The following SEPTIN4 variants were observed in gnomAD, a reference collection of about 807,000 sequenced individuals.
SEPTIN4 encodes septin 4, also known as septin-4.
In SEPTIN4, 52 loss-of-function variants were observed where a neutral mutation model predicts 107.1. The observed-to-expected ratio is 0.49, with a 90% CI of 0.39 to 0.61. SEPTIN4 has a LOEUF of 0.61. Ranked by LOEUF, SEPTIN4 falls within the 20% of genes least tolerant of loss-of-function variation. The pLI is 0.00. For missense variants in SEPTIN4, 1,048 were observed against 1,243.5 expected (o/e 0.84, Z 2.36); for synonymous variants, 417 against 467.0 (o/e 0.89, Z 1.38).
rs376361834 is a variant in SEPTIN4, at chr17:58,532,184, G to C, written c.1615-5206C>G. Reference sequence around the variant, plus strand: ...GGCGCGAAGTGGGTCGGGGTGCCCAGCTGGGGGCCGGCCTCGCAGCCCGCG... The same window carrying C: ...GGCGCGAAGTGGGTCGGGGTGCCCACCTGGGGGCCGGCCTCGCAGCCCGCG... On this transcript the variant is annotated intron_variant, in intron 3 of 13. Coordinates refer to ENST00000672673, the MANE Select transcript of SEPTIN4 (RefSeq NM_001368771.2). 132 of 849,460 alleles carry C rather than the reference G, an allele frequency of 1.6e-4. 1 individual carries two copies. The East Asian group carries it at 8.9e-3, about 57-fold the overall frequency. 52.6% of individuals were successfully genotyped at this position (849,460 alleles called of 1,614,324 possible).
chr17:58,529,015 C>T, intron 3 of SEPTIN4: 2 of 1,436,408 alleles, frequency 1.4e-6, no homozygotes, highest in Admixed American at 3.4e-5. Flanking sequence ...ACTCCCAGCT[C>T]TGCCAGTGAC....
At chr17:58,532,189 G>C (rs1018120116) in intron 3 of SEPTIN4, 11 of 825,274 alleles carry the variant, frequency 1.3e-5, no homozygotes, top group Middle Eastern at 1.1e-3. Flanking sequence ...GCCCAGCTGG[G>C]GGCCGGCCTC....
Position 58,543,820 on chromosome 17 carries a change from CT to C in SEPTIN4, c.366del (p.Val123LeufsTer37). ...GCTGCTTCCTCTCTGGGTGGACTAA[CT>C]TTCCATTGTCTGCTTGAAGCATGGG... The part of the protein sequence containing the change: ...LASHASSRQW[K>X]VSPPREEAAR... On this transcript the variant is annotated frameshift_variant, in exon 1 of 14. Coordinates refer to ENST00000672673, the MANE Select transcript of SEPTIN4 (RefSeq NM_001368771.2). LOFTEE classifies it high-confidence loss of function. 6.2e-7 allele frequency: 1 copy of C among 1,614,160 alleles called. No homozygotes were observed. The highest frequency in any genetic ancestry group is 1.6e-4 in the Middle Eastern group (1 of 6,062).
At chr17:58,533,314 G>A (rs573614580) in intron 3 of SEPTIN4, among the ~76,000 whole-genome samples, 1 of 152,182 alleles carries the variant, frequency 6.6e-6, no homozygotes, top group Non-Finnish European at 1.5e-5. Flanking sequence ...CTTCCTAGCT[G>A]GGTGGCCTTG....
chr17:58,535,940 T>C (rs2043694611), intron 3 of SEPTIN4, among the ~76,000 whole-genome samples: 1 of 152,162 alleles, frequency 6.6e-6, no homozygotes, highest in African/African-American at 2.4e-5. Flanking sequence ...GACCCTTCAC[T>C]TGCCCTTCAT....
chr17:58,537,587 T>G (rs2043756163), intron 3 of SEPTIN4, among the ~76,000 whole-genome samples: 1 of 152,056 alleles, frequency 6.6e-6, no homozygotes, highest in African/African-American at 2.4e-5. Context: ...ATCCCAGCAC[T>G]TTGGGAGGCT....
intron 3 of SEPTIN4, chr17:58,529,342 A>G (rs1163674795): frequency 6.8e-6 from 10 of 1,481,186 alleles, no homozygotes; most frequent in Non-Finnish European, 9.0e-6. Context: ...GCAGGGGCCA[A>G]AAAAGCCTGT....
rs1309044436 is a variant in SEPTIN4, at chr17:58,520,393, G to A, written c.*33C>T. ...GGGCCGGCATGGACAGGAAGAAGAG[G>A]AGGAGATTTAAATATCCAGGGCTGA... On this transcript the variant is annotated 3_prime_UTR_variant, in exon 14 of 14. Transcript: ENST00000672673. The A allele has an allele frequency of 4.4e-6, 7 of 1,605,250 alleles. No homozygotes were observed. The highest frequency in any genetic ancestry group is 6.0e-6 in the Non-Finnish European group (7 of 1,174,080).
At chr17:58,532,029 C>A in intron 3 of SEPTIN4, 1 of 1,128,654 alleles carries the variant, frequency 8.9e-7, no homozygotes, top group Non-Finnish European at 1.1e-6. Context: ...CGGAGCTGCG[C>A]GCCGACCTCG....
chr17:58,544,057 C>G lies in SEPTIN4; in HGVS notation c.130G>C (p.Val44Leu). Residue 44 changes from valine to leucine, a missense_variant, in exon 1 of 14, where the codon GTC becomes CTC. Val to Leu is a conservative substitution (Grantham distance 32). This residue lies in a region of SEPTIN4 where 787 missense variants were observed against 871.8 expected (regional missense o/e 0.90). Coordinates refer to ENST00000672673, the MANE Select transcript of SEPTIN4 (RefSeq NM_001368771.2). The part of the protein sequence containing the change: ...VLASSHRSAA[V>L]SLNPSHRRSE... ...CTTCGGTGGGAAGGGTTCAGGGAGA[C>G]TGCAGCACTTCGATGGCTTGAGGCA... 1 of 1,614,124 alleles carries G rather than the reference C, an allele frequency of 6.2e-7. No homozygotes were observed. The highest frequency in any genetic ancestry group is 8.5e-7 in the Non-Finnish European group (1 of 1,180,032).
rs762452862 is a variant in SEPTIN4, at chr17:58,544,071, T to C, written c.116A>G (p.His39Arg). Residue 39 changes from histidine (H) to arginine (R), a missense_variant, in exon 1 of 14, where the codon CAT (histidine) becomes CGT (arginine). Transcript: ENST00000672673. The part of the protein sequence containing the change: ...QGHGYVLASS[H>R]RSAAVSLNPS... Reference sequence around the variant, plus strand: ...GTTCAGGGAGACTGCAGCACTTCGATGGCTTGAGGCAAGAACGTACCCATG... The same window carrying C: ...GTTCAGGGAGACTGCAGCACTTCGACGGCTTGAGGCAAGAACGTACCCATG... 6.2e-7 allele frequency: 1 copy of C among 1,614,118 alleles called. No individual in the cohort carries two copies. The highest frequency in any genetic ancestry group is 8.5e-7 in the Non-Finnish European group (1 of 1,180,014).
intron 3 of SEPTIN4, chr17:58,539,223 AC>A: frequency 6.7e-7 from 1 of 1,495,898 alleles, no homozygotes; most frequent in South Asian, 1.2e-5. Flanking sequence ...AATTATCGAG[AC>A]CGGATAAGAG....
rs2043916839 is a variant in SEPTIN4, at chr17:58,542,821, C to G, written c.1366G>C (p.Asp456His). 5.6e-6 allele frequency: 9 copies of G among 1,614,138 alleles called. No individual in the cohort carries two copies. Among genetic ancestry groups the G allele is most frequent in the Non-Finnish European group, 7.6e-6 (9 of 1,180,036 alleles). The change falls in exon 1 of 14, where the codon GAT becomes CAT. Residue 456 changes from aspartate (D) to histidine (H), a missense_variant. By Grantham distance (81) the Asp-to-His change is moderately conservative (BLOSUM62 -1). Around this residue, in one of 2 missense-constraint regions of SEPTIN4, gnomAD observed 787 missense variants for 871.8 expected, o/e 0.90. Transcript: ENST00000672673. The part of the protein sequence containing the change: ...DFEPKCSPSL[D>H]LLLSGFKIDS... ...ATTTTAAAACCGGACAATAAAAGAT[C>G]TAGGGAAGGAGAGCACTTAGGCTCA...
At chr17:58,524,434 T>A (rs1197220463) in intron 7 of SEPTIN4, among the ~76,000 whole-genome samples, 1 of 152,084 alleles carries the variant, frequency 6.6e-6, no homozygotes, top group Non-Finnish European at 1.5e-5. Flanking sequence ...TTCAACAAGA[T>A]TGTGTGCGGC....
At chr17:58,523,135 G>A (rs766196365) in intron 7 of SEPTIN4, among the ~76,000 whole-genome samples, 4 of 152,078 alleles carry the variant, frequency 2.6e-5, no homozygotes, top group African/African-American at 9.7e-5. Context: ...ACTTTAGGAG[G>A]CCAAGGTAGG....
chr17:58,526,073 A>G lies in SEPTIN4; in HGVS notation c.2005+147T>C, dbSNP rs1016150473. On this transcript the variant is annotated intron_variant, in intron 5 of 13. Coordinates refer to ENST00000672673, the MANE Select transcript of SEPTIN4 (RefSeq NM_001368771.2). ...CCACCCCACATACATACACTCTCAC[A>G]GGCCAATGACTCCTGGCTGTTTTGC... is the stretch of plus-strand genomic sequence containing the variant. 5 of 1,040,944 alleles carry G rather than the reference A, an allele frequency of 4.8e-6. No homozygotes were observed. The African/African-American group carries it at 5.9e-5, about 12-fold the overall frequency. The allele number at this position is 1,040,944 out of a possible 1,614,324, so 64.5% of individuals were successfully genotyped here. A position where few individuals can be genotyped will look rare whatever the true frequency, so the allele number is the denominator to read the frequency against.
At chr17:58,532,255 G>C (rs2043538294) in intron 3 of SEPTIN4, 1 of 281,458 alleles carries the variant, frequency 3.6e-6, no homozygotes, top group Admixed American at 6.0e-5. Flanking sequence ...GACAGAGCGG[G>C]GAGCCTCAGC....
At position 58,521,109 on chromosome 17, in the gene SEPTIN4, C is replaced by T; in HGVS notation, c.2720G>A (p.Arg907His). 8 of 1,614,164 alleles carry T rather than the reference C, an allele frequency of 5.0e-6. No homozygotes were observed. Among genetic ancestry groups the T allele is most frequent in the South Asian group, 1.1e-5 (1 of 91,078 alleles). The change falls in exon 12 of 14, where the codon CGT (arginine) becomes CAT (histidine). Residue 907 changes from arginine (R) to histidine (H), a missense_variant. By Grantham distance (29) the Arg-to-His change is conservative (BLOSUM62 0). Around this residue, in one of 2 missense-constraint regions of SEPTIN4, gnomAD observed 261 missense variants for 371.7 expected, o/e 0.70. Coordinates refer to ENST00000672673, the MANE Select transcript of SEPTIN4 (RefSeq NM_001368771.2). The surrounding 1 kb of genome is among the most constrained non-coding windows in gnomAD (Gnocchi z 6.4). ...ATCCTTCAGGTCCTGCATGTGGGTA[C>T]GTACCAGCATTGTCCTCAGCTTCAC... ...DFVKLRTMLV[R>H]THMQDLKDVT...
chr17:58,520,377 T>G lies in SEPTIN4; in HGVS notation c.*49A>C, dbSNP rs2042130554. On this transcript the variant is annotated 3_prime_UTR_variant, in exon 14 of 14. Coordinates refer to ENST00000672673, the MANE Select transcript of SEPTIN4 (RefSeq NM_001368771.2). ...GAGCTGGTGCTGGGAGGGGCCGGCA[T>G]GGACAGGAAGAAGAGGAGGAGATTT... 5 of 1,585,306 alleles carry G rather than the reference T, an allele frequency of 3.2e-6. No individual in the cohort carries two copies. The highest frequency in any genetic ancestry group is 3.5e-6 in the Non-Finnish European group (4 of 1,158,518).
Sources: gnomAD v4.1 joint callset for allele counts (sites outside exome capture counted in the v4.1 genomes callset) on GRCh38, gnomAD v4.1.1 for gene constraint, gnomAD v4.1.1 regional missense constraint, Gnocchi (gnomAD v3.1) non-coding constraint, MANE v1.5 for transcripts, NCBI Gene and HGNC (gene_info 2026-07-23, HGNC 2026-07-21) for gene names.